The following HOGA1 variants were observed in gnomAD, a reference collection of about 807,000 sequenced individuals.
HOGA1 encodes 4-hydroxy-2-oxoglutarate aldolase 1.
A neutral mutation model predicts 34.3 loss-of-function variants in HOGA1; 30 were observed. The observed-to-expected ratio is 0.87, with a 90% CI of 0.65 to 1.19. The LOEUF (loss-of-function observed/expected upper bound fraction) is 1.19. HOGA1 is among the 50% of genes most tolerant of loss of function. The probability of loss-of-function intolerance (pLI) is 0.00; values close to 1 mark genes in which losing one functional copy is unlikely to be tolerated. For synonymous variants in HOGA1, 161 were observed against 174.0 expected (o/e 0.93, Z 0.59); for missense variants, 417 against 436.5 (o/e 0.96, Z 0.40).
Position 97,611,872 on chromosome 10 carries a change from C to T in HOGA1, c.*213C>T. On this transcript the variant is annotated 3_prime_UTR_variant, in exon 7 of 7. Coordinates refer to ENST00000370646, the MANE Select transcript of HOGA1 (RefSeq NM_138413.4). Reference sequence around the variant, plus strand: ...GCCCCTGACCTCTCCCTTTTGGATCCTAAACTGTGTCTCTGGTCTGAAGAC... The same window carrying T: ...GCCCCTGACCTCTCCCTTTTGGATCTTAAACTGTGTCTCTGGTCTGAAGAC... The T allele has an allele frequency of 1.7e-6, 1 of 591,770 alleles. No individual in the cohort carries two copies. Among genetic ancestry groups the T allele is most frequent in the Non-Finnish European group, 3.0e-6 (1 of 333,606 alleles). The allele number at this position is 591,770 out of a possible 1,614,324, so 36.7% of individuals were successfully genotyped here.
intron 6 of HOGA1, among the ~76,000 whole-genome samples, chr10:97,609,049 A>G (rs1198205138): frequency 3.3e-5 from 5 of 152,186 alleles, no homozygotes; most frequent in African/African-American, 4.8e-5. Context: ...GAGGAGGTAA[A>G]TCTGAGTCCC....
chr10:97,598,160 G>A (rs2041085341), intron 1 of HOGA1, among the ~76,000 whole-genome samples: 2 of 151,284 alleles, frequency 1.3e-5, no homozygotes, highest in South Asian at 4.1e-4. Flanking sequence ...GAGACAGGTA[G>A]GCCATTTTTT....
At chr10:97,607,688 C>G (rs1251970998) in intron 6 of HOGA1, among the ~76,000 whole-genome samples, 4 of 151,938 alleles carry the variant, frequency 2.6e-5, no homozygotes, top group Admixed American at 6.6e-5. Context: ...ATATAATGTC[C>G]AGATAATATT....
Position 97,599,805 on chromosome 10 carries a change from C to T in HOGA1, c.594C>T (p.Ser198=), listed in dbSNP as rs374733151. ...QHPNIVGMKD[S]GGDVTRIGLI... is the part of the protein sequence containing the mutation. ...CGAATATTGTGGGCATGAAGGACAG[C>T]GGTGGTGATGTGAGTGGCAGCAGCT... is the stretch of plus-strand genomic sequence containing the variant. The change falls in exon 4 of 7, where the codon AGC becomes AGT. Residue 198 remains serine (S), a synonymous_variant. Transcript: ENST00000370646. 277 of 1,614,156 alleles carry T rather than the reference C, an allele frequency of 1.7e-4. No individual in the cohort carries two copies. Among genetic ancestry groups the T allele is most frequent in the Non-Finnish European group, 2.0e-4 (236 of 1,180,034 alleles).
rs1329587830 is a variant in HOGA1, at chr10:97,612,203, T to G, written c.*544T>G. The G allele has an allele frequency of 1.3e-5, 2 of 153,770 alleles. No homozygotes were observed. The highest frequency in any genetic ancestry group is 6.5e-5 in the Admixed American group (1 of 15,480). 9.5% of individuals were successfully genotyped at this position (153,770 alleles called of 1,614,324 possible). On this transcript the variant is annotated 3_prime_UTR_variant, in exon 7 of 7. Transcript: ENST00000370646. Reference sequence around the variant, plus strand: ...TTAGCAGAGATGGGGTTTCACCGTGTTGGCCAGGCTGGTCTTGAACTCCTG... The same window carrying G: ...TTAGCAGAGATGGGGTTTCACCGTGGTGGCCAGGCTGGTCTTGAACTCCTG...
At chr10:97,595,836 A>T (rs567039169) in intron 1 of HOGA1, among the ~76,000 whole-genome samples, 1 of 152,124 alleles carries the variant, frequency 6.6e-6, no homozygotes, top group African/African-American at 2.4e-5. Flanking sequence ...CTTTTTCCCC[A>T]GTCCCTGCTT....
At chr10:97,590,830 T>C (rs544148047) in intron 1 of HOGA1, 5 of 553,650 alleles carry the variant, frequency 9.0e-6, no homozygotes, top group East Asian at 6.2e-5. Context: ...AGATAGACCC[T>C]GAGGCCCCTG....
intron 1 of HOGA1, among the ~76,000 whole-genome samples, chr10:97,596,368 A>C (rs564847427): frequency 6.6e-6 from 1 of 152,330 alleles, no homozygotes; most frequent in South Asian, 2.1e-4. Flanking sequence ...ATGGTGGCTG[A>C]ATCAGTGGCC....
rs1169191059 is a variant in HOGA1, at chr10:97,593,029, C to CAAAAAAAAAAAAAAAAAA, written c.212-5741_212-5724dup. ...TGGGCGACAGAGTGAGACTCTGTCT[C>CAAAAAAAAAAAAAAAAAA]AAAAAAAAAAAAAAAAAAAAAAGAG... On this transcript the variant is annotated intron_variant, in intron 1 of 6. Coordinates refer to ENST00000370646, the MANE Select transcript of HOGA1 (RefSeq NM_138413.4). Among the ~76,000 whole-genome samples, 212 of 47,788 alleles carry CAAAAAAAAAAAAAAAAAA rather than the reference C, an allele frequency of 4.4e-3. 10 individuals are homozygous for CAAAAAAAAAAAAAAAAAA. The highest frequency in any genetic ancestry group is 7.0e-3 in the African/African-American group (80 of 11,408). The allele number at this position is 47,788 out of a possible 152,430, so 31.4% of individuals were successfully genotyped here.
intron 1 of HOGA1, among the ~76,000 whole-genome samples, chr10:97,594,948 C>G (rs1277226906): frequency 2.0e-5 from 3 of 152,176 alleles, no homozygotes; most frequent in African/African-American, 7.2e-5. Flanking sequence ...AAATGCAGAG[C>G]AGGGAGGCCC....
At chr10:97,600,219 C>G (rs2041106037) in intron 5 of HOGA1, 56 bp downstream of exon 5, 2 of 1,426,882 alleles carry the variant, frequency 1.4e-6, no homozygotes, top group Non-Finnish European at 2.0e-6. Flanking sequence ...ACCCAGGTAC[C>G]TGGGTCTTCC....
Position 97,593,369 on chromosome 10 carries a change from C to G in HOGA1, c.212-5406C>G, listed in dbSNP as rs1036069539. On this transcript the variant is annotated intron_variant, in intron 1 of 6. Coordinates refer to ENST00000370646, the MANE Select transcript of HOGA1 (RefSeq NM_138413.4). ...GCAGGCACCTGTAATCTCAGCTACT[C>G]GGGAGGCTGAGACAGAAGAATTGCT... Among the ~76,000 whole-genome samples the G allele has an allele frequency of 1.4e-4, 21 of 151,794 alleles. No homozygotes were observed. The South Asian group carries it at 4.2e-3, about 30-fold the overall frequency.
At chr10:97,595,346 A>C (rs2041060319) in intron 1 of HOGA1, among the ~76,000 whole-genome samples, 1 of 152,226 alleles carries the variant, frequency 6.6e-6, no homozygotes, top group Non-Finnish European at 1.5e-5. Flanking sequence ...ACACTTATTG[A>C]GCACCAGGTT....
At chr10:97,607,091 C>G (rs1232631798) in intron 6 of HOGA1, among the ~76,000 whole-genome samples, 1 of 141,776 alleles carries the variant, frequency 7.1e-6, no homozygotes, top group African/African-American at 2.7e-5. Flanking sequence ...GCAACATGGC[C>G]AGACCCCATC....
rs915549327 is a variant in HOGA1 at position 97,612,283 on chromosome 10, AGCCACT to A, written c.*627_*632del. ...CCAAAGTGCTGGGATTACAGCTGTG[AGCCACT>A]GCACCCGGCCGGGAATTTATCAAAG... On this transcript the variant is annotated 3_prime_UTR_variant, in exon 7 of 7. Transcript: ENST00000370646. 6 of 152,816 alleles carry A rather than the reference AGCCACT, an allele frequency of 3.9e-5. No individual in the cohort carries two copies. The highest frequency in any genetic ancestry group is 1.5e-4 in the African/African-American group (6 of 41,374). 9.5% of individuals were successfully genotyped at this position (152,816 alleles called of 1,614,324 possible).
rs183326297 is a variant in HOGA1, at chr10:97,592,537, G to A, written c.212-6238G>A. 1.6e-4 allele frequency among the ~76,000 whole-genome samples: 24 copies of A among 151,296 alleles called. 1 individual carries two copies. The highest frequency in any genetic ancestry group is 5.6e-4 in the African/African-American group (23 of 41,234). On this transcript the variant is annotated intron_variant, in intron 1 of 6. Coordinates refer to ENST00000370646, the MANE Select transcript of HOGA1 (RefSeq NM_138413.4). The stretch of plus-strand genomic sequence containing the variant: ...TTACAGGTGGGAGCCACCGTGCCCA[G>A]CCAGAAAATCCCTGTACTATTTTTG...
chr10:97,612,068 G>A lies in HOGA1; in HGVS notation c.*409G>A, dbSNP rs2041201395. Reference sequence around the variant, plus strand: ...GTTTCACTCTGTCACCCAGGCTGGAGTGCAATGGCATGATCTCGCCTCCTG... The same window carrying A: ...GTTTCACTCTGTCACCCAGGCTGGAATGCAATGGCATGATCTCGCCTCCTG... On this transcript the variant is annotated 3_prime_UTR_variant, in exon 7 of 7. Coordinates refer to ENST00000370646, the MANE Select transcript of HOGA1 (RefSeq NM_138413.4). The A allele has an allele frequency of 5.6e-6, 1 of 178,714 alleles. No homozygotes were observed. The highest frequency in any genetic ancestry group is 2.4e-5 in the African/African-American group (1 of 40,992). 11.1% of individuals were successfully genotyped at this position (178,714 alleles called of 1,614,324 possible).
chr10:97,611,514 C>G lies in HOGA1; in HGVS notation c.839C>G (p.Thr280Ser), dbSNP rs756489804. The part of the protein sequence containing the change: ...HRLIEPNAAV[T>S]RRFGIPGLKK... ...CTAACAGGCCCTGCTTTGCAGGTGA[C>G]CCGGCGCTTTGGGATCCCAGGGCTG... The change falls in exon 7 of 7, where the codon ACC becomes AGC. Residue 280 changes from threonine to serine, a missense_variant. Transcript: ENST00000370646. The G allele has an allele frequency of 5.0e-6, 8 of 1,614,226 alleles. No homozygotes were observed. In the South Asian group the frequency reaches 8.8e-5, roughly 18 times the overall value.
intron 1 of HOGA1, among the ~76,000 whole-genome samples, chr10:97,596,708 C>CAAAAAAAAAAAAAAAAAAAAAACA (rs34186645): frequency 1.1e-5 from 1 of 89,350 alleles, no homozygotes. Flanking sequence ...AAATAACTAC[C>CAAAAAAAAAAAAAAAAAAAAAACA]AAAAAAAAAA....
Sources: allele counts gnomAD v4.1 joint callset (sites outside exome capture counted in the v4.1 genomes callset), GRCh38; gene constraint gnomAD v4.1.1; transcripts MANE v1.5; gene names NCBI Gene and HGNC (gene_info 2026-07-23, HGNC 2026-07-21).